Variants in YME1L1 observed in about 807,000 individuals in gnomAD.
The protein encoded by YME1L1 is ATP-dependent zinc metalloprotease YME1L1.
In YME1L1, 39 loss-of-function variants were observed where a neutral mutation model predicts 90.4. The observed-to-expected ratio is 0.43, with a 90% confidence interval of 0.33 to 0.56. YME1L1 has a LOEUF of 0.56. Ranked by LOEUF, YME1L1 falls within the 20% of genes least tolerant of loss-of-function variation. YME1L1 has a pLI of 0.03. For missense variants in YME1L1, 617 were observed against 868.4 expected, an observed-to-expected ratio of 0.71 and a Z score of 3.64; for synonymous variants, 284 against 287.3, an observed-to-expected ratio of 0.99 and a Z score of 0.12.
intron 1 of YME1L1, among the ~76,000 whole-genome samples, chr10:27,152,274 A>G (rs1366092956): frequency 6.6e-6 from 1 of 152,220 alleles, no homozygotes; most frequent in Non-Finnish European, 1.5e-5. Context: ...CTTTTCTTTC[A>G]CAAAAGGATT....
intron 9 of YME1L1, among the ~76,000 whole-genome samples, chr10:27,124,817 T>C (rs993656171): frequency 4.6e-5 from 7 of 152,234 alleles, no homozygotes; most frequent in African/African-American, 1.4e-4. Context: ...TCTCCTGATA[T>C]GGGCTTTTCC....
rs757950247 is a variant in YME1L1 at position 27,117,596 on chromosome 10, G to A, written c.1699C>T (p.Arg567Trp). The change falls in exon 15 of 19, where the codon CGG (arginine) becomes TGG (tryptophan). Residue 567 changes from arginine (R) to tryptophan (W), a missense_variant. Around this residue, in one of 4 missense-constraint regions of YME1L1, gnomAD observed 212 missense variants for 330.0 expected, o/e 0.64. Coordinates refer to ENST00000376016, the MANE Select transcript of YME1L1 (RefSeq NM_014263.4). The part of the protein sequence containing the change: ...MPINKATIMP[R>W]GPTLGHVSLL... ...CTTACATGTCCAAGTGTTGGCCCCC[G>A]TGGCATGATTGTAGCTTTGTTGATA... The A allele has an allele frequency of 8.1e-6, 13 of 1,613,804 alleles. No homozygotes were observed. Among genetic ancestry groups the A allele is most frequent in the East Asian group, 2.2e-5 (1 of 44,892 alleles).
chr10:27,153,157 C>T, intron 1 of YME1L1: 2 of 469,710 alleles, frequency 4.3e-6, no homozygotes, highest in South Asian at 3.1e-5. Context: ...TCACTCTTCA[C>T]CTTGCTAAGT....
Position 27,154,364 on chromosome 10 carries a change from A to T in YME1L1, c.-154T>A. ...AAACGGAAAATGGCCTCCCCTTCCTACAGCTACTGCAACGACAGACAATCC... is the reference window on the plus strand; with the variant it reads ...AAACGGAAAATGGCCTCCCCTTCCTTCAGCTACTGCAACGACAGACAATCC... On this transcript the variant is annotated 5_prime_UTR_variant, in exon 1 of 19. Transcript: ENST00000376016. 1.2e-6 allele frequency: 1 copy of T among 840,820 alleles called. No individual in the cohort carries two copies. The highest frequency in any genetic ancestry group is 1.8e-6 in the Non-Finnish European group (1 of 542,636). The allele number at this position is 840,820 out of a possible 1,614,324, so 52.1% of individuals were successfully genotyped here. A position where few individuals can be genotyped will look rare whatever the true frequency, so the allele number is the denominator to read the frequency against.
chr10:27,140,852 A>G (rs2057079959), intron 4 of YME1L1, among the ~76,000 whole-genome samples: 1 of 152,184 alleles, frequency 6.6e-6, no homozygotes, highest in Non-Finnish European at 1.5e-5. Flanking sequence ...GAGAGAATCT[A>G]ACCTCAGAGT....
At chr10:27,125,465 A>AAAAC (rs1269957266) in intron 9 of YME1L1, among the ~76,000 whole-genome samples, 2 of 150,522 alleles carry the variant, frequency 1.3e-5, no homozygotes, top group Non-Finnish European at 3.0e-5. Context: ...TTTGAAAAAA[A>AAAAC]AAAAAAAAAA....
chr10:27,121,548 T>A, intron 11 of YME1L1, 100 bp from the exon 12 acceptor site: 1 of 830,834 alleles, frequency 1.2e-6, no homozygotes, highest in Non-Finnish European at 2.0e-6. Context: ...TTTTTGAGAC[T>A]AGGACTCGCT....
intron 3 of YME1L1, among the ~76,000 whole-genome samples, chr10:27,144,057 T>C (rs887946248): frequency 3.9e-5 from 6 of 152,214 alleles, no homozygotes; most frequent in African/African-American, 1.4e-4. Context: ...TAGGGACTTT[T>C]TTCAAGGTCC....
At chr10:27,119,085 TAC>T (rs1267171734) in intron 14 of YME1L1, among the ~76,000 whole-genome samples, 11 of 152,236 alleles carry the variant, frequency 7.2e-5, no homozygotes, top group African/African-American at 2.7e-4. Context: ...AAGAAAATGT[TAC>T]AGTTTAATGG....
In YME1L1 at chr10:27,135,562, G is replaced by A. The variant is rs546065581; in HGVS notation, c.541-581C>T. ...CTAAAACACAGGGAATAAACACTATGAACAATCTGACGGAGGCATGAATCA... is the reference window on the plus strand; with the variant it reads ...CTAAAACACAGGGAATAAACACTATAAACAATCTGACGGAGGCATGAATCA... On this transcript the variant is annotated intron_variant, in intron 5 of 18. Transcript: ENST00000376016. Among the ~76,000 whole-genome samples, 76 of 152,296 alleles carry A rather than the reference G, an allele frequency of 5.0e-4. No homozygotes were observed. In the South Asian group the frequency reaches 9.5e-3, roughly 19 times the overall value.
chr10:27,141,770 A>G (rs2057090139), intron 4 of YME1L1, among the ~76,000 whole-genome samples: 1 of 152,090 alleles, frequency 6.6e-6, no homozygotes, highest in Non-Finnish European at 1.5e-5. Context: ...CCAGTGCCCA[A>G]TTTTACTGGC....
intron 2 of YME1L1, 63 bp downstream of exon 2, chr10:27,148,843 A>C: frequency 6.3e-7 from 1 of 1,585,848 alleles, no homozygotes; most frequent in Non-Finnish European, 8.5e-7. Flanking sequence ...TTAATCCTTC[A>C]TTTGTTTAAG....
chr10:27,146,961 T>C, intron 2 of YME1L1: 1 of 176,984 alleles, frequency 5.7e-6, no homozygotes, highest in Non-Finnish European at 1.2e-5. Flanking sequence ...AAAAGACAGT[T>C]AAAGGCATGA....
At chr10:27,134,551 G>A (rs1231552782) in intron 6 of YME1L1, among the ~76,000 whole-genome samples, 3 of 152,198 alleles carry the variant, frequency 2.0e-5, no homozygotes, top group Non-Finnish European at 2.9e-5. Flanking sequence ...CTCTGGCTTA[G>A]GCAATGAAGC....
chr10:27,135,166 G>T (rs1370219334), intron 5 of YME1L1, among the ~76,000 whole-genome samples, 185 bp from the exon 6 acceptor site: 1 of 152,134 alleles, frequency 6.6e-6, no homozygotes, highest in Non-Finnish European at 1.5e-5. Flanking sequence ...TCCCATTCCT[G>T]CATCAATCAA....
At chr10:27,146,894 C>A in intron 2 of YME1L1, 1 of 157,940 alleles carries the variant, frequency 6.3e-6, no homozygotes, top group Non-Finnish European at 1.4e-5. Flanking sequence ...GGATCAAAGG[C>A]AGAGATCATG....
At position 27,122,859 on chromosome 10, in the gene YME1L1, A is replaced by G. The variant is rs1311878286; in HGVS notation, c.1217T>C (p.Leu406Pro). The change falls in exon 11 of 19, where the codon CTT becomes CCT. Residue 406 changes from leucine to proline, a missense_variant. Coordinates refer to ENST00000376016, the MANE Select transcript of YME1L1 (RefSeq NM_014263.4). ...HPYSRQTINQ[L>P]LAEMDGFKPN... is the part of the protein sequence containing the mutation. The stretch of plus-strand genomic sequence containing the variant: ...CAATTACCCATCCATTTCAGCAAGA[A>G]GTTGATTTATGGTCTGCCTTGAATA... 6.2e-7 allele frequency: 1 copy of G among 1,613,358 alleles called. No individual in the cohort carries two copies. The highest frequency in any genetic ancestry group is 8.5e-7 in the Non-Finnish European group (1 of 1,179,666).
chr10:27,127,955 G>A (rs1444518515), intron 8 of YME1L1, among the ~76,000 whole-genome samples: 1 of 152,076 alleles, frequency 6.6e-6, no homozygotes, highest in African/African-American at 2.4e-5. Flanking sequence ...CAAAATAATA[G>A]ATATAATTCC....
In YME1L1 at chr10:27,117,583, A is replaced by G. The variant is rs1478847121; in HGVS notation, c.1712T>C (p.Leu571Pro). The change falls in exon 15 of 19, where the codon CTT (leucine) becomes CCT (proline). Residue 571 changes from leucine (L) to proline (P), a missense_variant. This residue lies in a region of YME1L1 where 212 missense variants were observed against 330.0 expected (regional missense o/e 0.64). Coordinates refer to ENST00000376016, the MANE Select transcript of YME1L1 (RefSeq NM_014263.4). Reference protein sequence around the residue: ...KATIMPRGPTLGHVSLLPEND... With the variant: ...KATIMPRGPTPGHVSLLPEND... ...ACACTACAAAAAACTTACATGTCCA[A>G]GTGTTGGCCCCCGTGGCATGATTGT... 6.2e-7 allele frequency: 1 copy of G among 1,613,430 alleles called. No individual in the cohort carries two copies. Among genetic ancestry groups the G allele is most frequent in the African/African-American group, 1.3e-5 (1 of 74,902 alleles).
Sources: allele counts gnomAD v4.1 joint callset (sites outside exome capture counted in the v4.1 genomes callset), GRCh38; gene constraint gnomAD v4.1.1; regional missense constraint gnomAD v4.1.1; transcripts MANE v1.5; gene names NCBI Gene and HGNC (gene_info 2026-07-23, HGNC 2026-07-21).